Variants in RBM25 observed in about 807,000 individuals in gnomAD.
RBM25 encodes the protein RNA-binding protein 25.
A neutral mutation model predicts 120.7 loss-of-function variants in RBM25; 19 were observed. That is an observed-to-expected ratio of 0.16 (90% CI 0.11 to 0.23). RBM25 has a LOEUF of 0.23. RBM25 is among the 10% of genes least tolerant of loss of function. The probability of loss-of-function intolerance (pLI) is 1.00; values close to 1 mark genes in which losing one functional copy is unlikely to be tolerated. For missense variants in RBM25, 605 were observed against 1,041.5 expected, an observed-to-expected ratio of 0.58 and a Z score of 5.77; for synonymous variants, 390 against 326.7, an observed-to-expected ratio of 1.19 and a Z score of -2.09.
At position 73,088,478 on chromosome 14, in the gene RBM25, A is replaced by G. The variant is rs868564236; in HGVS notation, c.543+317A>G. 6.4e-6 allele frequency: 3 copies of G among 470,376 alleles called. No individual in the cohort carries two copies. In the Middle Eastern group the frequency reaches 9.4e-4, roughly 148 times the overall value. The allele number at this position is 470,376 out of a possible 1,614,324, so 29.1% of individuals were successfully genotyped here. On this transcript the variant is annotated intron_variant, in intron 6 of 18. Transcript: ENST00000261973. ...ATTCATTAAGGCAGCTTTGTAAGTA[A>G]GTACAAAATATATTTCAACCTACAC... is the stretch of plus-strand genomic sequence containing the variant.
intron 6 of RBM25, among the ~76,000 whole-genome samples, chr14:73,091,553 A>G (rs1895813655): frequency 6.6e-6 from 1 of 152,004 alleles, no homozygotes; most frequent in African/African-American, 2.4e-5. Context: ...GAGTAACCAC[A>G]CTTTAGATCT....
intron 18 of RBM25, 94 bp from the exon 19 acceptor site, chr14:73,119,619 A>C: frequency 6.4e-7 from 1 of 1,571,216 alleles, no homozygotes; most frequent in Non-Finnish European, 8.6e-7. Context: ...GCTTATTGTC[A>C]GTGGATGAAA....
chr14:73,063,214 A>G (rs1267647951), intron 1 of RBM25, among the ~76,000 whole-genome samples: 1 of 150,996 alleles, frequency 6.6e-6, no homozygotes, highest in Non-Finnish European at 1.5e-5. Context: ...CAGTGGCACA[A>G]TCTCTGCTCA....
intron 6 of RBM25, among the ~76,000 whole-genome samples, chr14:73,095,254 C>T (rs1029444257): frequency 1.2e-4 from 19 of 152,212 alleles, no homozygotes; most frequent in African/African-American, 4.1e-4. Flanking sequence ...GAGAAGAGAG[C>T]GTTTTTCAAT....
At position 73,077,447 on chromosome 14, in the gene RBM25, A is replaced by C; in HGVS notation, c.235A>C (p.Asn79His). The C allele has an allele frequency of 6.2e-7, 1 of 1,614,052 alleles. No individual in the cohort carries two copies. The highest frequency in any genetic ancestry group is 8.5e-7 in the Non-Finnish European group (1 of 1,179,918). Residue 79 changes from asparagine to histidine, a missense_variant, in exon 4 of 19, where the codon AAT becomes CAT. Asn to His is a moderately conservative substitution (Grantham distance 68). Transcript: ENST00000261973. ...TCATCCAGGCTTAAAGGCTAAAGAA[A>C]ATGATGAAAATTGTGGTCCTACTAC... ...KDHPGLKAKENDENCGPTTTV... is the reference protein window; with the variant it reads ...KDHPGLKAKEHDENCGPTTTV...
At chr14:73,097,485 C>G (rs1895973990) in intron 7 of RBM25, among the ~76,000 whole-genome samples, 1 of 152,108 alleles carries the variant, frequency 6.6e-6, no homozygotes, top group Non-Finnish European at 1.5e-5. Context: ...AGGCGTGAGC[C>G]ACCGTGCCCG....
rs1895561034 is a variant in RBM25 at position 73,081,412 on chromosome 14, C to A, written c.325-2082C>A. ...CTTGGCTTCCCAAAGTGTGGGGATT[C>A]TTTTCCCTTCTTTTCTAGAGCTCCT... On this transcript the variant is annotated intron_variant, in intron 4 of 18. Coordinates refer to ENST00000261973, the MANE Select transcript of RBM25 (RefSeq NM_021239.3). Among the ~76,000 whole-genome samples, 3 of 152,200 alleles carry A rather than the reference C, an allele frequency of 2.0e-5. No homozygotes were observed. In the South Asian group the frequency reaches 6.2e-4, roughly 32 times the overall value.
At chr14:73,072,873 G>C (rs1398056020) in intron 2 of RBM25, among the ~76,000 whole-genome samples, 1 of 152,160 alleles carries the variant, frequency 6.6e-6, no homozygotes, top group African/African-American at 2.4e-5. Flanking sequence ...TAGCATGTAT[G>C]TTACGGGGGT....
rs539191562 is a variant in RBM25, at chr14:73,085,329, T to C, written c.382+1778T>C. ...ACCGCGCCCGGCCTCATCAGTAGTC[T>C]GTTTTGAAGAATTCTGTCATTCTTT... On this transcript the variant is annotated intron_variant, in intron 5 of 18. Coordinates refer to ENST00000261973, the MANE Select transcript of RBM25 (RefSeq NM_021239.3). 3.0e-5 allele frequency among the ~76,000 whole-genome samples: 4 copies of C among 132,030 alleles called. No homozygotes were observed. The South Asian group carries it at 9.2e-4, about 31-fold the overall frequency. The allele number at this position is 132,030 out of a possible 152,430, so 86.6% of individuals were successfully genotyped here. A position where few individuals can be genotyped will look rare whatever the true frequency, so the allele number is the denominator to read the frequency against.
chr14:73,104,141 G>A (rs919825649), intron 10 of RBM25, among the ~76,000 whole-genome samples: 18 of 151,972 alleles, frequency 1.2e-4, no homozygotes, highest in Admixed American at 3.9e-4. Context: ...CCTTGGGTCC[G>A]TGGGCATTTT....
intron 12 of RBM25, chr14:73,107,395 G>A (rs984792367): frequency 6.5e-6 from 1 of 153,280 alleles, no homozygotes; most frequent in African/African-American, 2.4e-5. Context: ...TTTAACCAAA[G>A]TATTATTATA....
At chr14:73,071,826 T>C in intron 2 of RBM25, 79 bp downstream of exon 2, 2 of 1,165,242 alleles carry the variant, frequency 1.7e-6, no homozygotes, top group Non-Finnish European at 2.6e-6. Flanking sequence ...AAATGTTAGA[T>C]ATGTGACTGT....
chr14:73,075,439 G>T lies in RBM25; in HGVS notation c.107-880G>T, dbSNP rs145102352. On this transcript the variant is annotated intron_variant, in intron 2 of 18. Coordinates refer to ENST00000261973, the MANE Select transcript of RBM25 (RefSeq NM_021239.3). ...CTCCCAAAGTGCTGGCATTACAGGCGTGAGCCACTGCGCCCGGCCCATGAT... is the reference window on the plus strand; with the variant it reads ...CTCCCAAAGTGCTGGCATTACAGGCTTGAGCCACTGCGCCCGGCCCATGAT... Among the ~76,000 whole-genome samples the T allele has an allele frequency of 3.3e-5, 5 of 152,132 alleles. No individual in the cohort carries two copies. In the East Asian group the frequency reaches 9.6e-4, roughly 29 times the overall value.
intron 6 of RBM25, among the ~76,000 whole-genome samples, chr14:73,092,345 TG>T (rs1895837587): frequency 6.6e-6 from 1 of 152,100 alleles, no homozygotes; most frequent in Non-Finnish European, 1.5e-5. Flanking sequence ...ACATGGTGAT[TG>T]TTTTTTATTC....
At chr14:73,086,648 A>G (rs761150597) in intron 5 of RBM25, among the ~76,000 whole-genome samples, 3 of 152,212 alleles carry the variant, frequency 2.0e-5, no homozygotes, top group Admixed American at 6.5e-5. Context: ...CATTGCACAT[A>G]TAACAGTTTC....
At chr14:73,106,793 A>T (rs968093479) in intron 12 of RBM25, among the ~76,000 whole-genome samples, 5 of 152,038 alleles carry the variant, frequency 3.3e-5, no homozygotes, top group African/African-American at 9.7e-5. Flanking sequence ...ATTAAAAACC[A>T]TATACATATA....
At chr14:73,077,559 C>A in intron 4 of RBM25, 23 bp downstream of exon 4, 1 of 1,528,298 alleles carries the variant, frequency 6.5e-7, no homozygotes, top group Admixed American at 2.3e-5. Flanking sequence ...GTTTATTTTT[C>A]ATTAAAAATT....
At chr14:73,063,574 T>C (rs1218163763) in intron 1 of RBM25, among the ~76,000 whole-genome samples, 1 of 151,512 alleles carries the variant, frequency 6.6e-6, no homozygotes, top group Non-Finnish European at 1.5e-5. Flanking sequence ...TTCTCTCTTT[T>C]AAATCCCACA....
intron 14 of RBM25, among the ~76,000 whole-genome samples, chr14:73,109,774 CAG>C (rs927247408): frequency 6.6e-6 from 1 of 152,130 alleles, no homozygotes; most frequent in African/African-American, 2.4e-5. Flanking sequence ...GCCTGGGCGA[CAG>C]AGCCCCTGAC....
Sources: allele counts gnomAD v4.1 joint callset (sites outside exome capture counted in the v4.1 genomes callset), GRCh38; gene constraint gnomAD v4.1.1; transcripts MANE v1.5; gene names NCBI Gene and HGNC (gene_info 2026-07-23, HGNC 2026-07-21).